UQCRC2: variants seen among roughly 807,000 people sequenced by gnomAD.
UQCRC2 encodes ubiquinol-cytochrome c reductase core protein 2.
Under a neutral mutation model 55.6 loss-of-function variants are expected in UQCRC2, and 49 were observed. That is an observed-to-expected ratio of 0.88 (90% CI 0.70 to 1.12). The LOEUF (loss-of-function observed/expected upper bound fraction) is 1.12. Among genes scored for constraint, UQCRC2 ranks in the 50% most tolerant of loss-of-function variants. The pLI is 0.00. For synonymous variants in UQCRC2, 193 were observed against 192.0 expected, an observed-to-expected ratio of 1.01 and a Z score of -0.04; for missense variants, 506 against 547.8, an observed-to-expected ratio of 0.92 and a Z score of 0.76.
Position 21,972,961 on chromosome 16 carries a change from G to A in UQCRC2, c.966+839G>A, listed in dbSNP as rs565057901. ...CTAAAAATACAAAAATTGTCTGGGCGTGGTGGCGCACGCCTGTAGTCCCAG... is the reference window on the plus strand; with the variant it reads ...CTAAAAATACAAAAATTGTCTGGGCATGGTGGCGCACGCCTGTAGTCCCAG... On this transcript the variant is annotated intron_variant, in intron 10 of 13. Transcript: ENST00000268379. 1.4e-4 allele frequency among the ~76,000 whole-genome samples: 22 copies of A among 152,252 alleles called. No individual in the cohort carries two copies. In the East Asian group the frequency reaches 4.1e-3, roughly 28 times the overall value.
chr16:21,960,406 C>T (rs1898173539), intron 4 of UQCRC2, among the ~76,000 whole-genome samples: 2 of 152,206 alleles, frequency 1.3e-5, no homozygotes, highest in African/African-American at 2.4e-5. Flanking sequence ...AGAGTTAGGG[C>T]ATTGCTCTGG....
chr16:21,971,527 G>A lies in UQCRC2; in HGVS notation c.673G>A (p.Val225Met), dbSNP rs1210164987. 1 of 1,612,434 alleles carries A rather than the reference G, an allele frequency of 6.2e-7. No individual in the cohort carries two copies. The highest frequency in any genetic ancestry group is 8.5e-7 in the Non-Finnish European group (1 of 1,178,882). The stretch of plus-strand genomic sequence containing the variant: ...TGTTTTTGCTTCTGTTGAAACAGGT[G>A]TGAGTCATCCTGTTCTAAAGCAAGT... ...SARMALIGLG[V>M]SHPVLKQVAE... The change falls in exon 9 of 14, where the codon GTG becomes ATG. Residue 225 changes from valine to methionine, a missense_variant and splice_region_variant. Coordinates refer to ENST00000268379, the MANE Select transcript of UQCRC2 (RefSeq NM_003366.4).
At chr16:21,975,867 G>C (rs1014508643) in intron 11 of UQCRC2, among the ~76,000 whole-genome samples, 1 of 152,114 alleles carries the variant, frequency 6.6e-6, no homozygotes, top group African/African-American at 2.4e-5. Flanking sequence ...AAGGTGGGAG[G>C]ATCACTTGAG....
At chr16:21,967,875 G>T (rs1898364916) in intron 7 of UQCRC2, among the ~76,000 whole-genome samples, 1 of 152,080 alleles carries the variant, frequency 6.6e-6, no homozygotes, top group Non-Finnish European at 1.5e-5. Context: ...AATGTTAATA[G>T]TGCTTCATTA....
chr16:21,953,401 G>A lies in UQCRC2; in HGVS notation c.-23G>A, dbSNP rs758425917. Reference sequence around the variant, plus strand: ...GCTTTCCTTTAATCCGGCAGTGACCGTGTGTCAGAACAATCTTGAATCATG... The same window carrying A: ...GCTTTCCTTTAATCCGGCAGTGACCATGTGTCAGAACAATCTTGAATCATG... On this transcript the variant is annotated 5_prime_UTR_variant, in exon 1 of 14. In the 5' UTR this introduces an upstream ATG that the reference lacks. Coordinates refer to ENST00000268379, the MANE Select transcript of UQCRC2 (RefSeq NM_003366.4). 6.2e-7 allele frequency: 1 copy of A among 1,612,332 alleles called. No homozygotes were observed. Among genetic ancestry groups the A allele is most frequent in the Admixed American group, 1.7e-5 (1 of 59,836 alleles).
At chr16:21,972,975 C>T (rs774674752) in intron 10 of UQCRC2, among the ~76,000 whole-genome samples, 4 of 152,196 alleles carry the variant, frequency 2.6e-5, no homozygotes, top group Non-Finnish European at 5.9e-5. Context: ...TGGCGCACGC[C>T]TGTAGTCCCA....
chr16:21,973,755 C>G, intron 10 of UQCRC2, 141 bp from the exon 11 acceptor site: 1 of 692,290 alleles, frequency 1.4e-6, no homozygotes, highest in Non-Finnish European at 2.5e-6. Context: ...TACTTCAGTT[C>G]GTGACAGAAC....
At chr16:21,973,614 C>G (rs1469966173) in intron 10 of UQCRC2, among the ~76,000 whole-genome samples, 1 of 152,132 alleles carries the variant, frequency 6.6e-6, no homozygotes, top group African/African-American at 2.4e-5. Flanking sequence ...TTAGTGTTTG[C>G]ATAAACCTTT....
In UQCRC2 at chr16:21,973,914, A is replaced by C; in HGVS notation, c.985A>C (p.Ser329Arg). 1 of 1,613,092 alleles carries C rather than the reference A, an allele frequency of 6.2e-7. No individual in the cohort carries two copies. The highest frequency in any genetic ancestry group is 8.5e-7 in the Non-Finnish European group (1 of 1,179,632). ...CTTTCAGGTTTCTGCATTTAATGCC[A>C]GTTACTCAGATTCTGGACTCTTTGG... ...QPFDVSAFNA[S>R]YSDSGLFGIY... Residue 329 changes from serine (S) to arginine (R), a missense_variant, in exon 11 of 14, where the codon AGT (serine) becomes CGT (arginine). Coordinates refer to ENST00000268379, the MANE Select transcript of UQCRC2 (RefSeq NM_003366.4).
chr16:21,982,476 T>G (rs1318744378), intron 13 of UQCRC2, among the ~76,000 whole-genome samples: 1 of 152,166 alleles, frequency 6.6e-6, no homozygotes, highest in Admixed American at 6.5e-5. Flanking sequence ...TATTTGACAG[T>G]GTCAGTGTTG....
chr16:21,954,581 C>T (rs1898060214), intron 1 of UQCRC2, among the ~76,000 whole-genome samples: 1 of 151,890 alleles, frequency 6.6e-6, no homozygotes, highest in African/African-American at 2.4e-5. Flanking sequence ...TTGGAGAGGC[C>T]CAAAGTAAAC....
chr16:21,983,522 T>C lies in UQCRC2; in HGVS notation c.*351T>C, dbSNP rs1412241839. On this transcript the variant is annotated 3_prime_UTR_variant, in exon 14 of 14. Transcript: ENST00000268379. ...CGGGGTAAATAGTGCCAGATTACTA[T>C]TGGTGGCGTTTAAGATGAAAGCAAG... is the stretch of plus-strand genomic sequence containing the variant. 6.5e-6 allele frequency: 2 copies of C among 306,238 alleles called. No homozygotes were observed. Among genetic ancestry groups the C allele is most frequent in the Non-Finnish European group, 5.9e-6 (1 of 169,162 alleles). 19.0% of individuals were successfully genotyped at this position (306,238 alleles called of 1,614,324 possible).
rs755224233 is a variant in UQCRC2, at chr16:21,983,141, G to A, written c.1332G>A (p.Leu444=). Residue 444 remains leucine (L), a synonymous_variant, in exon 14 of 14, where the codon TTG becomes TTA. Coordinates refer to ENST00000268379, the MANE Select transcript of UQCRC2 (RefSeq NM_003366.4). The part of the protein sequence containing the change: ...GQKSMAASGN[L]GHTPFVDEL ...AGTCAATGGCAGCAAGTGGAAATTTGGGACATACACCTTTTGTTGATGAGT... is the reference window on the plus strand; with the variant it reads ...AGTCAATGGCAGCAAGTGGAAATTTAGGACATACACCTTTTGTTGATGAGT... 6 of 1,614,036 alleles carry A rather than the reference G, an allele frequency of 3.7e-6. No individual in the cohort carries two copies. In the Admixed American group the frequency reaches 8.3e-5, roughly 22 times the overall value.
At chr16:21,959,298 C>A in intron 4 of UQCRC2, 1 of 192,616 alleles carries the variant, frequency 5.2e-6, no homozygotes, top group Non-Finnish European at 1.1e-5. Flanking sequence ...ACTTTTTTAT[C>A]AACCAAGATT....
rs1250772817 is a variant in UQCRC2, at chr16:21,971,531, G to A, written c.677G>A (p.Ser226Asn). 3 of 1,613,476 alleles carry A rather than the reference G, an allele frequency of 1.9e-6. No individual in the cohort carries two copies. The highest frequency in any genetic ancestry group is 2.5e-6 in the Non-Finnish European group (3 of 1,179,536). The change falls in exon 9 of 14, where the codon AGT (serine) becomes AAT (asparagine). Residue 226 changes from serine to asparagine, a missense_variant. Coordinates refer to ENST00000268379, the MANE Select transcript of UQCRC2 (RefSeq NM_003366.4). ...ARMALIGLGVSHPVLKQVAEQ... is the reference protein window; with the variant it reads ...ARMALIGLGVNHPVLKQVAEQ... ...TTTGCTTCTGTTGAAACAGGTGTGA[G>A]TCATCCTGTTCTAAAGCAAGTTGCT...
chr16:21,979,888 A>C (rs1898674305), intron 12 of UQCRC2, among the ~76,000 whole-genome samples: 1 of 152,230 alleles, frequency 6.6e-6, no homozygotes, highest in African/African-American at 2.4e-5. Flanking sequence ...ATTATGTAGT[A>C]CATGACTATA....
intron 6 of UQCRC2, among the ~76,000 whole-genome samples, chr16:21,964,472 G>A (rs965529831): frequency 3.9e-5 from 6 of 152,094 alleles, no homozygotes; most frequent in Non-Finnish European, 8.8e-5. Context: ...ATGGCCTTGC[G>A]TGATCTTACC....
At position 21,983,544 on chromosome 16, in the gene UQCRC2, C is replaced by G. The variant is rs530201657; in HGVS notation, c.*373C>G. 3.7e-6 allele frequency: 1 copy of G among 271,546 alleles called. No individual in the cohort carries two copies. Among genetic ancestry groups the G allele is most frequent in the East Asian group, 6.3e-5 (1 of 15,824 alleles). 16.8% of individuals were successfully genotyped at this position (271,546 alleles called of 1,614,324 possible). A position where few individuals can be genotyped will look rare whatever the true frequency, so the allele number is the denominator to read the frequency against. ...CTATTGGTGGCGTTTAAGATGAAAG[C>G]AAGTTCAAAATTTGTCATTTTGGGT... On this transcript the variant is annotated 3_prime_UTR_variant, in exon 14 of 14. Coordinates refer to ENST00000268379, the MANE Select transcript of UQCRC2 (RefSeq NM_003366.4).
At chr16:21,981,214 T>A (rs927794276) in intron 13 of UQCRC2, among the ~76,000 whole-genome samples, 1 of 151,928 alleles carries the variant, frequency 6.6e-6, no homozygotes, top group African/African-American at 2.4e-5. Context: ...TTCTTGCTAA[T>A]TTTTTTTTCA....
Sources: gnomAD v4.1 joint callset for allele counts (sites outside exome capture counted in the v4.1 genomes callset) on GRCh38, gnomAD v4.1.1 for gene constraint, MANE v1.5 for transcripts, NCBI Gene and HGNC (gene_info 2026-07-23, HGNC 2026-07-21) for gene names.